Variants in EML5 observed in about 807,000 individuals in gnomAD.
EML5 encodes the protein echinoderm microtubule-associated protein-like 5.
Under a neutral mutation model 250.0 loss-of-function variants are expected in EML5, and 120 were observed. The ratio of observed to expected loss-of-function variants is 0.48; its 90% confidence interval spans 0.41 to 0.56. EML5 has a LOEUF of 0.56. Among genes scored for constraint, EML5 ranks in the 20% least tolerant of loss-of-function variants. The pLI, the probability that EML5 is intolerant of heterozygous loss-of-function variation, is 0.00. For missense variants in EML5, 2,006 were observed against 2,437.6 expected, an observed-to-expected ratio of 0.82 and a Z score of 3.73; for synonymous variants, 771 against 806.5, an observed-to-expected ratio of 0.96 and a Z score of 0.75.
intron 32 of EML5, 98 bp downstream of exon 32, chr14:88,638,711 G>A (rs1411490921): frequency 1.9e-5 from 20 of 1,033,014 alleles, no homozygotes; most frequent in African/African-American, 3.3e-5. Flanking sequence ...TTGAACAATC[G>A]ATAAATCAAT....
At chr14:88,732,720 C>T (rs1455908338) in intron 7 of EML5, among the ~76,000 whole-genome samples, 1 of 152,196 alleles carries the variant, frequency 6.6e-6, no homozygotes, top group Non-Finnish European at 1.5e-5. Context: ...CTTGCACTAA[C>T]ACAGCAGTTA....
intron 1 of EML5, among the ~76,000 whole-genome samples, chr14:88,762,476 C>T (rs575976873): frequency 1.1e-4 from 17 of 151,904 alleles, no homozygotes; most frequent in African/African-American, 4.1e-4. Context: ...TGCCATTGCA[C>T]TCCAGCCTAA....
intron 7 of EML5, among the ~76,000 whole-genome samples, chr14:88,733,546 C>T (rs2140167143): frequency 6.6e-6 from 1 of 152,318 alleles, no homozygotes; most frequent in Admixed American, 6.5e-5. Flanking sequence ...TTGGCAGCAG[C>T]TAGGTGGCAC....
intron 1 of EML5, among the ~76,000 whole-genome samples, chr14:88,785,546 C>T (rs1018816800): frequency 1.3e-5 from 2 of 152,176 alleles, no homozygotes; most frequent in Non-Finnish European, 2.9e-5. Context: ...ATAAAACTTG[C>T]TCTTCCAACA....
chr14:88,622,757 G>C (rs1466072476), intron 36 of EML5, 39 bp from the exon 37 acceptor site: 1 of 1,425,018 alleles, frequency 7.0e-7, no homozygotes, highest in East Asian at 2.4e-5. Flanking sequence ...GTTCATTATT[G>C]GCTACTATAA....
At chr14:88,701,580 A>T (rs2093210589) in intron 14 of EML5, among the ~76,000 whole-genome samples, 1 of 152,174 alleles carries the variant, frequency 6.6e-6, no homozygotes, top group Non-Finnish European at 1.5e-5. Context: ...GCACAAAGAA[A>T]GGAAGAAAAA....
Position 88,745,167 on chromosome 14 carries a change from T to TTGTTTGTTTGTGTGTGTGTGTGTGTG in EML5, c.456+1017_456+1018insCACACACACACACACACAAACAAACA, listed in dbSNP as rs148282706. ...TTTAATAATGGTCTAAATTGTGTGT[T>TTGTTTGTTTGTGTGTGTGTGTGTGTG]TGTGTGTGTGTGTGTGTGTGTGTGT... On this transcript the variant is annotated intron_variant, in intron 3 of 43. Coordinates refer to ENST00000554922, the MANE Select transcript of EML5 (RefSeq NM_183387.3). Among the ~76,000 whole-genome samples the TTGTTTGTTTGTGTGTGTGTGTGTGTG allele has an allele frequency of 3.2e-3, 462 of 145,274 alleles. 2 individuals carry two copies. Among genetic ancestry groups the TTGTTTGTTTGTGTGTGTGTGTGTGTG allele is most frequent in the African/African-American group, 8.6e-3 (335 of 38,982 alleles).
rs1051128399 is a variant in EML5, at chr14:88,615,355, ACTTTCC to A, written c.*457_*462del. On this transcript the variant is annotated 3_prime_UTR_variant, in exon 44 of 44. Coordinates refer to ENST00000554922, the MANE Select transcript of EML5 (RefSeq NM_183387.3). ...ACTGTGATCCTTTAGGATGATCATGACTTTCCCTTTCCTTATGGAAATGCAAGAATA... is the reference window on the plus strand; with the variant it reads ...ACTGTGATCCTTTAGGATGATCATGACTTTCCTTATGGAAATGCAAGAATA... 1.3e-5 allele frequency: 2 copies of A among 152,970 alleles called. No individual in the cohort carries two copies. Among genetic ancestry groups the A allele is most frequent in the Admixed American group, 1.3e-4 (2 of 15,318 alleles). The allele number at this position is 152,970 out of a possible 1,614,324, so 9.5% of individuals were successfully genotyped here.
At chr14:88,702,372 GAT>G in intron 14 of EML5, 72 bp downstream of exon 14, 1 of 1,139,480 alleles carries the variant, frequency 8.8e-7, no homozygotes, top group Non-Finnish European at 1.2e-6. Context: ...ACATAAAAGA[GAT>G]ATGTGATTAA....
intron 1 of EML5, among the ~76,000 whole-genome samples, chr14:88,769,569 T>G (rs893126700): frequency 6.6e-6 from 1 of 152,188 alleles, no homozygotes; most frequent in East Asian, 1.9e-4. Context: ...GGGGCAGTAA[T>G]AGAAATGCAC....
chr14:88,759,843 C>T (rs2094214480), intron 1 of EML5, among the ~76,000 whole-genome samples: 1 of 152,000 alleles, frequency 6.6e-6, no homozygotes, highest in South Asian at 2.1e-4. Context: ...GTCAGTTTTC[C>T]ACAGTAGTTG....
At chr14:88,656,109 A>C (rs1403124409) in intron 27 of EML5, among the ~76,000 whole-genome samples, 3 of 152,226 alleles carry the variant, frequency 2.0e-5, no homozygotes, top group Non-Finnish European at 4.4e-5. Context: ...CAGGAATCCC[A>C]TTACTGGGTA....
intron 1 of EML5, among the ~76,000 whole-genome samples, chr14:88,787,211 T>C (rs1412324227): frequency 1.3e-5 from 2 of 152,218 alleles, no homozygotes; most frequent in Non-Finnish European, 2.9e-5. Flanking sequence ...AGAAACACTG[T>C]GAACTTTTTA....
Position 88,792,315 on chromosome 14 carries a change from G to A in EML5, c.189C>T (p.Asp63=). 6.4e-7 allele frequency: 1 copy of A among 1,557,394 alleles called. No homozygotes were observed. The highest frequency in any genetic ancestry group is 8.7e-7 in the Non-Finnish European group (1 of 1,152,742). The change falls in exon 1 of 44, where the codon GAC becomes GAT. Residue 63 remains aspartate, a synonymous_variant. Coordinates refer to ENST00000554922, the MANE Select transcript of EML5 (RefSeq NM_183387.3). The surrounding 1 kb of genome is among the most constrained non-coding windows in gnomAD (Gnocchi z 6.9). ...RQKFYRGHSD[D]IISLALHPER... The stretch of plus-strand genomic sequence containing the variant: ...CCCCCGCTCCCCGGTACCTGATGAT[G>A]TCGTCGCTGTGGCCCCGGTAGAACT...
At chr14:88,676,868 A>G (rs2092605898) in intron 21 of EML5, among the ~76,000 whole-genome samples, 1 of 152,158 alleles carries the variant, frequency 6.6e-6, no homozygotes, top group Non-Finnish European at 1.5e-5. Context: ...AAACCTGACA[A>G]AAACAAGCAA....
chr14:88,698,512 G>A (rs1171411550), intron 14 of EML5, among the ~76,000 whole-genome samples: 1 of 151,848 alleles, frequency 6.6e-6, no homozygotes, highest in Admixed American at 6.6e-5. Flanking sequence ...GTGATCTGCC[G>A]CCTCAGTTTT....
intron 21 of EML5, among the ~76,000 whole-genome samples, chr14:88,670,378 CA>C (rs1318181937): frequency 1.4e-5 from 2 of 144,238 alleles, no homozygotes; most frequent in East Asian, 4.0e-4. Context: ...AAAGCATCAA[CA>C]AAAAAAGTCC....
intron 23 of EML5, 100 bp downstream of exon 23, chr14:88,664,393 C>G: frequency 1.0e-6 from 1 of 982,512 alleles, no homozygotes; most frequent in Non-Finnish European, 1.4e-6. Context: ...TTTCCCAATT[C>G]TTTTTAACTC....
intron 1 of EML5, among the ~76,000 whole-genome samples, chr14:88,759,180 A>C (rs1405452314): frequency 6.6e-6 from 1 of 152,192 alleles, no homozygotes; most frequent in Non-Finnish European, 1.5e-5. Context: ...AAAGTGAAAA[A>C]AAATACTGAC....
Sources: gnomAD v4.1 joint callset for allele counts (sites outside exome capture counted in the v4.1 genomes callset) on GRCh38, gnomAD v4.1.1 for gene constraint, Gnocchi (gnomAD v3.1) non-coding constraint, MANE v1.5 for transcripts, NCBI Gene and HGNC (gene_info 2026-07-23, HGNC 2026-07-21) for gene names.